TSPAN32: variants seen among roughly 807,000 people sequenced by gnomAD.
TSPAN32 encodes tetraspanin-32.
Under a neutral mutation model 42.7 loss-of-function variants are expected in TSPAN32, and 47 were observed. The observed-to-expected ratio is 1.10, with a 90% CI of 0.87 to 1.40. The LOEUF (loss-of-function observed/expected upper bound fraction) is 1.40. Ranked by LOEUF, TSPAN32 falls within the 40% of genes most tolerant of loss-of-function variation. The pLI is 0.00. For missense variants in TSPAN32, 469 were observed against 424.1 expected (o/e 1.11, Z -0.93); for synonymous variants, 175 against 175.9 (o/e 0.99, Z 0.04).
Position 2,316,652 on chromosome 11 carries a change from A to G in TSPAN32, c.704A>G (p.Tyr235Cys). The G allele has an allele frequency of 6.5e-7, 1 of 1,536,502 alleles. No individual in the cohort carries two copies. Among genetic ancestry groups the G allele is most frequent in the African/African-American group, 1.4e-5 (1 of 72,802 alleles). The change falls in exon 8 of 10, where the codon TAC becomes TGC. Residue 235 changes from tyrosine (Y) to cysteine (C), a missense_variant. Coordinates refer to ENST00000182290, the MANE Select transcript of TSPAN32 (RefSeq NM_139022.3). ...CGCSLDRKGK[Y>C]TLTPRACGRQ... ...TGCAGCTTGGACCGCAAGGGCAAAT[A>G]CACCCTGACCCCACGGTAGGGCCCC...
chr11:2,311,446 C>T (rs1160961649), intron 4 of TSPAN32, among the ~76,000 whole-genome samples: 2 of 152,166 alleles, frequency 1.3e-5, no homozygotes, highest in African/African-American at 4.8e-5. Flanking sequence ...GAGTCTGCTT[C>T]GGGAATAATT....
At chr11:2,306,234 G>A (rs559152909) in intron 3 of TSPAN32, among the ~76,000 whole-genome samples, 44 of 152,178 alleles carry the variant, frequency 2.9e-4, no homozygotes, top group Admixed American at 2.6e-3. Context: ...TGGGCTGGGC[G>A]CCTGGATGCT....
At position 2,302,992 on chromosome 11, in the gene TSPAN32, G is replaced by A. The variant is rs775280827; in HGVS notation, c.181+34G>A. 7 of 1,584,106 alleles carry A rather than the reference G, an allele frequency of 4.4e-6. No individual in the cohort carries two copies. In the Admixed American group the frequency reaches 8.4e-5, roughly 19 times the overall value. On this transcript the variant is annotated intron_variant, in intron 2 of 9. Transcript: ENST00000182290. ...GGTCCAGGCCTGGCTGCATCGGGAG[G>A]GGCCTCGGGTGCAAGGGTGGCTGGC...
In TSPAN32 at chr11:2,304,007, CA is replaced by C; in HGVS notation, c.182-99del. On this transcript the variant is annotated intron_variant, in intron 2 of 9. Transcript: ENST00000182290. This position sits in a 1 kb window ranked among gnomAD's most constrained non-coding sequence, Gnocchi z 4.8. ...CATTCAGAGCCCCCCAGGAGTCCCT[CA>C]CGGCCCCTGACTCCCAAGTTAGATT... 1.1e-6 allele frequency: 1 copy of C among 888,034 alleles called. No homozygotes were observed. Among genetic ancestry groups the C allele is most frequent in the Non-Finnish European group, 1.8e-6 (1 of 556,510 alleles). The allele number at this position is 888,034 out of a possible 1,614,324, so 55.0% of individuals were successfully genotyped here.
intron 3 of TSPAN32, among the ~76,000 whole-genome samples, chr11:2,306,235 C>G (rs1848079719): frequency 6.6e-6 from 1 of 152,068 alleles, no homozygotes; most frequent in Non-Finnish European, 1.5e-5. Flanking sequence ...GGGCTGGGCG[C>G]CTGGATGCTC....
At chr11:2,308,272 G>A (rs1848228332) in intron 3 of TSPAN32, among the ~76,000 whole-genome samples, 1 of 152,094 alleles carries the variant, frequency 6.6e-6, no homozygotes, top group East Asian at 1.9e-4. Context: ...TCCCTCTCAG[G>A]CAGTGGGGAG....
intron 6 of TSPAN32, 138 bp downstream of exon 6, chr11:2,314,709 C>T: frequency 1.5e-6 from 1 of 679,924 alleles, no homozygotes; most frequent in Non-Finnish European, 2.5e-6. Flanking sequence ...CGCTGAAGGG[C>T]TCAGGGAAGG....
chr11:2,316,488 C>T (rs1489422185), intron 7 of TSPAN32, 88 bp from the exon 8 acceptor site: 1 of 1,601,558 alleles, frequency 6.2e-7, no homozygotes, highest in Non-Finnish European at 8.5e-7. Flanking sequence ...GCTGGGCCGC[C>T]CCCTTACACT....
At chr11:2,315,504 A>G (rs915420615) in intron 6 of TSPAN32, 11 of 1,156,388 alleles carry the variant, frequency 9.5e-6, no homozygotes, top group South Asian at 1.8e-5. Flanking sequence ...TGGCAGGGCC[A>G]TGGGCCCGAC....
intron 7 of TSPAN32, 62 bp downstream of exon 7, chr11:2,316,374 C>T (rs773459120): frequency 4.5e-6 from 7 of 1,552,050 alleles, no homozygotes; most frequent in East Asian, 2.4e-5. Context: ...GCCCAGCCCC[C>T]GACTCAGATG....
chr11:2,316,198 G>A (rs1420478784), intron 6 of TSPAN32, 31 bp from the exon 7 acceptor site: 1 of 1,529,272 alleles, frequency 6.5e-7, no homozygotes, highest in Non-Finnish European at 8.8e-7. Context: ...GGCCGCTCAG[G>A]GCGGGTACCA....
rs993125537 is a variant in TSPAN32 at position 2,308,822 on chromosome 11, C to G, written c.354+12C>G. 2 of 1,550,740 alleles carry G rather than the reference C, an allele frequency of 1.3e-6. No individual in the cohort carries two copies. The highest frequency in any genetic ancestry group is 1.7e-6 in the Non-Finnish European group (2 of 1,143,128). ...ACAGCCCCACCCAGGTGAGCACCAG[C>G]TGCCCCTACCCTGCAGTGGAGGGTC... On this transcript the variant is annotated intron_variant, in intron 4 of 9. Transcript: ENST00000182290.
chr11:2,304,967 G>A lies in TSPAN32; in HGVS notation c.279+763G>A, dbSNP rs1040149704. Reference sequence around the variant, plus strand: ...CTCCCACCTGTCCCTCTAGCCTCCCGTCTCCCCTTTCCAGCCATGAGGAGC... The same window carrying A: ...CTCCCACCTGTCCCTCTAGCCTCCCATCTCCCCTTTCCAGCCATGAGGAGC... On this transcript the variant is annotated intron_variant, in intron 3 of 9. Coordinates refer to ENST00000182290, the MANE Select transcript of TSPAN32 (RefSeq NM_139022.3). This position sits in a 1 kb window ranked among gnomAD's most constrained non-coding sequence, Gnocchi z 4.8. 3.3e-5 allele frequency among the ~76,000 whole-genome samples: 5 copies of A among 152,080 alleles called. No individual in the cohort carries two copies. Among genetic ancestry groups the A allele is most frequent in the Admixed American group, 6.5e-5 (1 of 15,282 alleles).
intron 1 of TSPAN32, 153 bp downstream of exon 1, chr11:2,302,368 C>T: frequency 1.2e-6 from 1 of 856,416 alleles, no homozygotes; most frequent in East Asian, 3.1e-5. Context: ...CCTGCCCTTG[C>T]AGACAGCCGC....
chr11:2,303,022 GC>G, intron 2 of TSPAN32, 64 bp downstream of exon 2: 1 of 1,458,262 alleles, frequency 6.9e-7, no homozygotes, highest in Non-Finnish European at 9.5e-7. Flanking sequence ...GCTGGCACGA[GC>G]CCAGCTGGAC....
chr11:2,314,878 C>T (rs1223880644), intron 6 of TSPAN32: 26 of 424,850 alleles, frequency 6.1e-5, no homozygotes, highest in Non-Finnish European at 1.0e-4. Flanking sequence ...GGGGACTTCC[C>T]AAGGCCAGCT....
At chr11:2,311,616 C>G (rs1030919688) in intron 4 of TSPAN32, among the ~76,000 whole-genome samples, 2 of 152,176 alleles carry the variant, frequency 1.3e-5, no homozygotes, top group Non-Finnish European at 2.9e-5. Context: ...TCCTGCAGCT[C>G]CTGGTCCCCA....
chr11:2,317,971 G>A lies in TSPAN32; in HGVS notation c.*47G>A. The A allele has an allele frequency of 1.3e-6, 1 of 793,784 alleles. No homozygotes were observed. The highest frequency in any genetic ancestry group is 1.7e-5 in the African/African-American group (1 of 58,950). 49.2% of individuals were successfully genotyped at this position (793,784 alleles called of 1,614,324 possible). A position where few individuals can be genotyped will look rare whatever the true frequency, so the allele number is the denominator to read the frequency against. ...ACTCTCACCTGGAGGCTCCGGGGAA[G>A]CATCTGCCTCCAGGACCATTCAGGC... On this transcript the variant is annotated 3_prime_UTR_variant, in exon 10 of 10. Coordinates refer to ENST00000182290, the MANE Select transcript of TSPAN32 (RefSeq NM_139022.3). This position sits in a 1 kb window ranked among gnomAD's most constrained non-coding sequence, Gnocchi z 6.2.
chr11:2,316,556 C>T lies in TSPAN32; in HGVS notation c.628-20C>T, dbSNP rs577127602. 48 of 1,601,122 alleles carry T rather than the reference C, an allele frequency of 3.0e-5. 1 individual carries two copies. Among genetic ancestry groups the T allele is most frequent in the Admixed American group, 1.9e-4 (11 of 59,124 alleles). On this transcript the variant is annotated intron_variant, in intron 7 of 9. Transcript: ENST00000182290. ...CCGCACCCTGGGGCAGTGGGGCAGC[C>T]GCGGGTGTCTCCCTCCCAGGTGTCC...
Sources: gnomAD v4.1 joint callset for allele counts (sites outside exome capture counted in the v4.1 genomes callset) on GRCh38, gnomAD v4.1.1 for gene constraint, Gnocchi (gnomAD v3.1) non-coding constraint, MANE v1.5 for transcripts, NCBI Gene and HGNC (gene_info 2026-07-23, HGNC 2026-07-21) for gene names.